The following KCTD16 variants were observed in gnomAD, a reference collection of about 807,000 sequenced individuals.
The protein encoded by KCTD16 is BTB/POZ domain-containing protein KCTD16.
Under a neutral mutation model 33.2 loss-of-function variants are expected in KCTD16, and 13 were observed. The observed-to-expected ratio is 0.39, with a 90% CI of 0.25 to 0.62. The LOEUF is 0.62. KCTD16 is among the 20% of genes least tolerant of loss of function. The pLI is 0.50. For synonymous variants in KCTD16, 197 were observed against 195.3 expected, an observed-to-expected ratio of 1.01 and a Z score of -0.07; for missense variants, 441 against 525.1, an observed-to-expected ratio of 0.84 and a Z score of 1.57.
intron 3 of KCTD16, among the ~76,000 whole-genome samples, chr5:144,338,429 G>T (rs1260130643): frequency 6.6e-6 from 1 of 152,166 alleles, no homozygotes; most frequent in African/African-American, 2.4e-5. Context: ...AGGCCCTACT[G>T]GCTTGATAGG....
At chr5:144,462,158 C>G (rs1433357358) in intron 3 of KCTD16, among the ~76,000 whole-genome samples, 2 of 151,900 alleles carry the variant, frequency 1.3e-5, no homozygotes, top group Admixed American at 6.6e-5. Context: ...GCTTCCTTTA[C>G]TGTCTCACAT....
chr5:144,309,981 AT>A (rs960953777), intron 3 of KCTD16, among the ~76,000 whole-genome samples: 9 of 150,500 alleles, frequency 6.0e-5, no homozygotes, highest in South Asian at 4.2e-4. Flanking sequence ...GTCTTTTATA[AT>A]TTTTTTTCTT....
At chr5:144,293,279 T>C (rs1755945744) in intron 3 of KCTD16, among the ~76,000 whole-genome samples, 1 of 152,224 alleles carries the variant, frequency 6.6e-6, no homozygotes, top group Non-Finnish European at 1.5e-5. Context: ...ACTTGTGTTA[T>C]GATATGGAAA....
In KCTD16 at chr5:144,484,526, C is replaced by A. The variant is rs1754764326; in HGVS notation, c.*10412C>A. 6.6e-6 allele frequency: 1 copy of A among 151,934 alleles called. No homozygotes were observed. The highest frequency in any genetic ancestry group is 2.1e-4 in the South Asian group (1 of 4,834). The allele number at this position is 151,934 out of a possible 1,614,324, so 9.4% of individuals were successfully genotyped here. A position where few individuals can be genotyped will look rare whatever the true frequency, so the allele number is the denominator to read the frequency against. On this transcript the variant is annotated 3_prime_UTR_variant, in exon 4 of 4. Coordinates refer to ENST00000512467, the MANE Select transcript of KCTD16 (RefSeq NM_020768.4). Reference sequence around the variant, plus strand: ...TTGACTTTTTTACATAACATCAGCACCACCCCTTACACTTTTAAAGTTAAA... The same window carrying A: ...TTGACTTTTTTACATAACATCAGCAACACCCCTTACACTTTTAAAGTTAAA...
At chr5:144,432,707 C>A (rs1455627304) in intron 3 of KCTD16, among the ~76,000 whole-genome samples, 1 of 151,928 alleles carries the variant, frequency 6.6e-6, no homozygotes. Context: ...TTTACCCAAA[C>A]AAATTGCTTT....
At chr5:144,454,739 G>GT (rs550171302) in intron 3 of KCTD16, among the ~76,000 whole-genome samples, 43 of 150,918 alleles carry the variant, frequency 2.8e-4, no homozygotes, top group African/African-American at 5.1e-4. Flanking sequence ...TACCAGGAGG[G>GT]TTTTTTTTTC....
intron 3 of KCTD16, among the ~76,000 whole-genome samples, chr5:144,447,298 A>G (rs951129302): frequency 1.3e-5 from 2 of 152,160 alleles, no homozygotes; most frequent in Non-Finnish European, 2.9e-5. Context: ...TCAGCAAACT[A>G]ACACAGGAAC....
At chr5:144,407,204 T>TG (rs1561596446) in intron 3 of KCTD16, among the ~76,000 whole-genome samples, 2 of 150,648 alleles carry the variant, frequency 1.3e-5, no homozygotes, top group African/African-American at 2.4e-5. Context: ...AATTCCTGTT[T>TG]TTTTTTTTTT....
rs1214066385 is a variant in KCTD16, at chr5:144,476,581, G to A, written c.*2467G>A. On this transcript the variant is annotated 3_prime_UTR_variant, in exon 4 of 4. Transcript: ENST00000512467. The stretch of plus-strand genomic sequence containing the variant: ...ATATTTTTATTCTGGGCCACCTCTC[G>A]ACTGGCACTCATCCCATGGTAAAAT... 1.3e-5 allele frequency: 2 copies of A among 152,074 alleles called. No homozygotes were observed. Among genetic ancestry groups the A allele is most frequent in the African/African-American group, 2.4e-5 (1 of 41,396 alleles). The allele number at this position is 152,074 out of a possible 1,614,324, so 9.4% of individuals were successfully genotyped here.
chr5:144,344,866 A>G (rs1188910142), intron 3 of KCTD16, among the ~76,000 whole-genome samples: 1 of 151,518 alleles, frequency 6.6e-6, no homozygotes, highest in East Asian at 1.9e-4. Context: ...TATATACCCA[A>G]AGGACTATAA....
chr5:144,199,300 C>T (rs1004954756), intron 2 of KCTD16, among the ~76,000 whole-genome samples: 8 of 152,108 alleles, frequency 5.3e-5, no homozygotes, highest in East Asian at 1.9e-4. Context: ...ACTGCTTTAC[C>T]GAAAGATATA....
intron 3 of KCTD16, among the ~76,000 whole-genome samples, chr5:144,445,957 C>T (rs189547519): frequency 1.3e-5 from 2 of 152,074 alleles, no homozygotes; most frequent in Admixed American, 1.3e-4. Flanking sequence ...CTATGCTTTC[C>T]AGTACATATC....
Position 144,322,315 on chromosome 5 carries a change from T to C in KCTD16, c.832+114769T>C, listed in dbSNP as rs146761473. On this transcript the variant is annotated intron_variant, in intron 3 of 3. Transcript: ENST00000512467. The stretch of plus-strand genomic sequence containing the variant: ...CCATAGTTGTGCAGTCAACTCAGGA[T>C]TGATCAATCAGCATCTTCCATCCTA... Among the ~76,000 whole-genome samples the C allele has an allele frequency of 3.7e-3, 567 of 152,252 alleles. 4 individuals are homozygous for C. The highest frequency in any genetic ancestry group is 0.013 in the African/African-American group (538 of 41,550).
In KCTD16 at chr5:144,313,302, A is replaced by G. The variant is rs377597337; in HGVS notation, c.832+105756A>G. On this transcript the variant is annotated intron_variant, in intron 3 of 3. Transcript: ENST00000512467. ...ATATAGCATCCATCTCCTGCTAGAC[A>G]TAACCAGCCATTCACAAAGATCTGA... 1.2e-4 allele frequency among the ~76,000 whole-genome samples: 19 copies of G among 152,300 alleles called. No individual in the cohort carries two copies. The East Asian group carries it at 1.7e-3, about 14-fold the overall frequency.
chr5:144,417,043 T>C (rs916547279), intron 3 of KCTD16, among the ~76,000 whole-genome samples: 8 of 152,218 alleles, frequency 5.3e-5, no homozygotes, highest in Non-Finnish European at 1.2e-4. Context: ...TTTAGGCTAC[T>C]TCTACTTTTT....
intron 3 of KCTD16, among the ~76,000 whole-genome samples, chr5:144,339,953 C>G (rs1223421301): frequency 2.6e-5 from 4 of 152,082 alleles, no homozygotes; most frequent in African/African-American, 9.7e-5. Context: ...TCACTGCTGC[C>G]CTTTAAAACT....
intron 3 of KCTD16, among the ~76,000 whole-genome samples, chr5:144,260,300 A>G (rs908395784): frequency 1.3e-5 from 2 of 152,218 alleles, no homozygotes; most frequent in African/African-American, 4.8e-5. Flanking sequence ...GACAGCATGC[A>G]GGACTTGACC....
At position 144,203,936 on chromosome 5, in the gene KCTD16, C is replaced by G. The variant is rs576175755; in HGVS notation, c.-326-2453C>G. Reference sequence around the variant, plus strand: ...ACTGATAGCTTAGGGCACTAGATGGCGATATAAGTGCATCACATAACAAAC... The same window carrying G: ...ACTGATAGCTTAGGGCACTAGATGGGGATATAAGTGCATCACATAACAAAC... On this transcript the variant is annotated intron_variant, in intron 2 of 3. Transcript: ENST00000512467. 2.6e-5 allele frequency among the ~76,000 whole-genome samples: 4 copies of G among 152,214 alleles called. No homozygotes were observed. In the East Asian group the frequency reaches 7.7e-4, roughly 29 times the overall value.
chr5:144,238,790 A>T (rs1754322824), intron 3 of KCTD16, among the ~76,000 whole-genome samples: 1 of 152,186 alleles, frequency 6.6e-6, no homozygotes, highest in Admixed American at 6.6e-5. Flanking sequence ...ATCCTTCAGC[A>T]TCATTTTTTG....
Sources: allele counts gnomAD v4.1 joint callset (sites outside exome capture counted in the v4.1 genomes callset), GRCh38; gene constraint gnomAD v4.1.1; transcripts MANE v1.5; gene names NCBI Gene and HGNC (gene_info 2026-07-23, HGNC 2026-07-21).